Variants in FHOD3 observed in about 807,000 individuals in gnomAD.
The protein encoded by FHOD3 is FH1/FH2 domain-containing protein 3.
FHOD3 carries 90 observed loss-of-function variants against 173.0 expected under a neutral mutation model. The ratio of observed to expected loss-of-function variants is 0.52; its 90% CI spans 0.44 to 0.62. The LOEUF is 0.62. Ranked by LOEUF, FHOD3 falls within the 20% of genes least tolerant of loss-of-function variation. The pLI, the probability that FHOD3 is intolerant of heterozygous loss-of-function variation, is 0.00. For missense variants in FHOD3, 1,945 were observed against 2,034.7 expected, an observed-to-expected ratio of 0.96 and a Z score of 0.85; for synonymous variants, 828 against 823.0, an observed-to-expected ratio of 1.01 and a Z score of -0.10.
chr18:36,468,585 CAG>C (rs1222147966), intron 3 of FHOD3, among the ~76,000 whole-genome samples: 1 of 152,148 alleles, frequency 6.6e-6, no homozygotes, highest in Non-Finnish European at 1.5e-5. Flanking sequence ...GCAAATCAAT[CAG>C]GGAATTTCAG....
chr18:36,670,544 C>G (rs1337478661), intron 14 of FHOD3, among the ~76,000 whole-genome samples: 3 of 152,026 alleles, frequency 2.0e-5, no homozygotes, highest in Non-Finnish European at 4.4e-5. Flanking sequence ...TTCTTAATAC[C>G]TTTCATATTT....
At chr18:36,543,400 A>C (rs2057298817) in intron 5 of FHOD3, among the ~76,000 whole-genome samples, 1 of 152,116 alleles carries the variant, frequency 6.6e-6, no homozygotes, top group Non-Finnish European at 1.5e-5. Context: ...CTAGCAGAGA[A>C]ATTTTTGGTC....
chr18:36,525,588 C>G (rs891106430), intron 5 of FHOD3, among the ~76,000 whole-genome samples: 1 of 152,186 alleles, frequency 6.6e-6, no homozygotes, highest in Non-Finnish European at 1.5e-5. Context: ...AATCACAACA[C>G]GAAGCCATCT....
At chr18:36,595,757 C>A (rs915701990) in intron 7 of FHOD3, among the ~76,000 whole-genome samples, 1 of 152,172 alleles carries the variant, frequency 6.6e-6, no homozygotes, top group Non-Finnish European at 1.5e-5. Context: ...TATTGGGAAG[C>A]CTGGAATTAA....
intron 3 of FHOD3, among the ~76,000 whole-genome samples, chr18:36,389,142 GC>G (rs2048174199): frequency 6.6e-6 from 1 of 152,098 alleles, no homozygotes. Context: ...TCTTGCTGCA[GC>G]TTTTATTTGC....
At chr18:36,553,664 A>G (rs1158608924) in intron 5 of FHOD3, among the ~76,000 whole-genome samples, 2 of 152,220 alleles carry the variant, frequency 1.3e-5, no homozygotes, top group Non-Finnish European at 2.9e-5. Context: ...CGGCTTCTGC[A>G]TGGCAAAAGA....
In FHOD3 at chr18:36,481,020, G is replaced by GTTTTTT. The variant is rs35793521; in HGVS notation, c.338-20895_338-20890dup. Reference sequence around the variant, plus strand: ...GCCAGGCTGGGCATATTGGGAGGTGGTTTTTTTTTTTTTTTTTTTTTTGCG... The same window carrying GTTTTTT: ...GCCAGGCTGGGCATATTGGGAGGTGGTTTTTTTTTTTTTTTTTTTTTTTTTTTTGCG... On this transcript the variant is annotated intron_variant, in intron 3 of 28. Coordinates refer to ENST00000590592, the MANE Select transcript of FHOD3 (RefSeq NM_001281740.3). 5.6e-4 allele frequency among the ~76,000 whole-genome samples: 59 copies of GTTTTTT among 104,432 alleles called. 1 individual carries two copies. Among genetic ancestry groups the GTTTTTT allele is most frequent in the African/African-American group, 2.2e-3 (54 of 24,976 alleles). 68.5% of individuals were successfully genotyped at this position (104,432 alleles called of 152,430 possible). A position where few individuals can be genotyped will look rare whatever the true frequency, so the allele number is the denominator to read the frequency against.
intron 14 of FHOD3, among the ~76,000 whole-genome samples, chr18:36,667,934 T>C (rs1284355596): frequency 6.6e-6 from 1 of 152,224 alleles, no homozygotes; most frequent in African/African-American, 2.4e-5. Context: ...TGGTTGTTAC[T>C]AAAAGTAGAA....
chr18:36,482,854 CACACAGAGAGAGAGAGAG>C (rs1481240065), intron 3 of FHOD3, among the ~76,000 whole-genome samples: 1 of 97,910 alleles, frequency 1.0e-5, no homozygotes, highest in African/African-American at 4.1e-5. Context: ...CACTCACACA[CACACAGAGAGAGAGAGAG>C]AGAGAGAGAG....
intron 8 of FHOD3, among the ~76,000 whole-genome samples, chr18:36,604,100 C>T (rs770698095): frequency 3.3e-5 from 5 of 152,104 alleles, no homozygotes; most frequent in Non-Finnish European, 7.4e-5. Flanking sequence ...ACAAGGGGGC[C>T]CATGCTGACC....
At chr18:36,374,675 T>A (rs963505614) in intron 3 of FHOD3, among the ~76,000 whole-genome samples, 23 of 152,220 alleles carry the variant, frequency 1.5e-4, no homozygotes, top group African/African-American at 5.5e-4. Context: ...GAAACTAGAC[T>A]GGAAATCAGA....
intron 11 of FHOD3, 121 bp downstream of exon 11, chr18:36,649,526 C>A: frequency 1.5e-6 from 1 of 657,182 alleles, no homozygotes; most frequent in Non-Finnish European, 2.5e-6. Flanking sequence ...CAAACTCTTA[C>A]TTACCCTGTT....
chr18:36,624,905 A>T (rs1023618671), intron 9 of FHOD3, among the ~76,000 whole-genome samples: 4 of 152,224 alleles, frequency 2.6e-5, no homozygotes, highest in African/African-American at 9.6e-5. Context: ...CTCCACTCCA[A>T]ATCCTGAACC....
intron 6 of FHOD3, among the ~76,000 whole-genome samples, chr18:36,591,242 A>T (rs66726259): frequency 6.6e-6 from 1 of 152,018 alleles, no homozygotes; most frequent in South Asian, 2.1e-4. Flanking sequence ...GCCTCAAGTT[A>T]TGAGGGCAGA....
chr18:36,594,584 C>T (rs1244188069), intron 6 of FHOD3, among the ~76,000 whole-genome samples: 1 of 152,040 alleles, frequency 6.6e-6, no homozygotes, highest in Non-Finnish European at 1.5e-5. Flanking sequence ...ACCTCAGTTT[C>T]CTCATCTGCA....
intron 13 of FHOD3, among the ~76,000 whole-genome samples, chr18:36,655,396 G>A (rs1568558394): frequency 6.6e-6 from 1 of 152,022 alleles, no homozygotes; most frequent in Non-Finnish European, 1.5e-5. Flanking sequence ...CTTCCCGTTT[G>A]GTCTGCAAGC....
At chr18:36,728,215 G>A (rs62083173) in intron 19 of FHOD3, among the ~76,000 whole-genome samples, 6,590 of 152,230 alleles carry the variant, frequency 0.043, 179 homozygotes, top group Non-Finnish European at 0.067. Context: ...TGGGGAAGAG[G>A]GCATGGATTT....
At chr18:36,306,746 G>A (rs188771795) in intron 1 of FHOD3, among the ~76,000 whole-genome samples, 27 of 152,216 alleles carry the variant, frequency 1.8e-4, no homozygotes, top group African/African-American at 6.0e-4. Flanking sequence ...CTAGAACAGC[G>A]TCTGGCACAT....
chr18:36,570,990 T>C (rs1376121768), intron 5 of FHOD3, among the ~76,000 whole-genome samples: 2 of 152,112 alleles, frequency 1.3e-5, no homozygotes, highest in Non-Finnish European at 2.9e-5. Context: ...ACCACGCCCA[T>C]TGAATATTAT....
Sources: allele counts gnomAD v4.1 joint callset (sites outside exome capture counted in the v4.1 genomes callset), GRCh38; gene constraint gnomAD v4.1.1; transcripts MANE v1.5; gene names NCBI Gene and HGNC (gene_info 2026-07-23, HGNC 2026-07-21).